PTPN2: variants seen among roughly 807,000 people sequenced by gnomAD.
The protein encoded by PTPN2 is protein tyrosine phosphatase non-receptor type 2.
PTPN2 carries 19 observed loss-of-function variants against 57.3 expected under a neutral mutation model. That is an observed-to-expected ratio of 0.33 (90% CI 0.23 to 0.49). The LOEUF (loss-of-function observed/expected upper bound fraction) is 0.49, where lower values mean the gene tolerates loss of function less well. Ranked by LOEUF, PTPN2 falls within the 20% of genes least tolerant of loss-of-function variation. The probability of loss-of-function intolerance (pLI) is 0.99; values close to 1 mark genes in which losing one functional copy is unlikely to be tolerated. For missense variants in PTPN2, 358 were observed against 501.1 expected (o/e 0.71, Z 2.73); for synonymous variants, 153 against 164.9 (o/e 0.93, Z 0.55).
rs1178034593 is a variant in PTPN2, at chr18:12,792,878, A to G, written c.*1400T>C. The G allele has an allele frequency of 1.1e-5, 11 of 970,184 alleles. No homozygotes were observed. Among genetic ancestry groups the G allele is most frequent in the South Asian group, 9.5e-5 (2 of 20,946 alleles). 60.1% of individuals were successfully genotyped at this position (970,184 alleles called of 1,614,324 possible). A position where few individuals can be genotyped will look rare whatever the true frequency, so the allele number is the denominator to read the frequency against. On this transcript the variant is annotated 3_prime_UTR_variant, in exon 9 of 9. Coordinates refer to ENST00000309660, the MANE Select transcript of PTPN2 (RefSeq NM_002828.4). ...AGTGCTGGGATTACAGGCATGAGCC[A>G]CCGCGCCCGACCAAACTGTTTTTAA...
In PTPN2 at chr18:12,801,878, C is replaced by T. The variant is rs1159269708; in HGVS notation, c.1040+92G>A. ...TTGTATTTTCCTAATATAAAAATTA[C>T]ATACCTGAAATCCTATGGCACCTGG... On this transcript the variant is annotated intron_variant, in intron 8 of 8. Transcript: ENST00000309660. 5 of 1,193,554 alleles carry T rather than the reference C, an allele frequency of 4.2e-6. No homozygotes were observed. In the African/African-American group the frequency reaches 7.8e-5, roughly 19 times the overall value. The allele number at this position is 1,193,554 out of a possible 1,614,324, so 73.9% of individuals were successfully genotyped here.
intron 1 of PTPN2, among the ~76,000 whole-genome samples, chr18:12,877,427 C>T (rs781509903): frequency 1.1e-4 from 16 of 152,152 alleles, no homozygotes; most frequent in African/African-American, 2.9e-4. Context: ...TGGAGTATAT[C>T]CAACACATGA....
At position 12,800,991 on chromosome 18, in the gene PTPN2, T is replaced by C. The variant is rs558805540; in HGVS notation, c.1040+979A>G. Among the ~76,000 whole-genome samples the C allele has an allele frequency of 5.9e-5, 9 of 152,384 alleles. No individual in the cohort carries two copies. The South Asian group carries it at 1.9e-3, about 32-fold the overall frequency. ...TAAGCTTACATGTTTAAATGTTTTATTAAAGGCATATTATCAGTTACATTA... is the reference window on the plus strand; with the variant it reads ...TAAGCTTACATGTTTAAATGTTTTACTAAAGGCATATTATCAGTTACATTA... On this transcript the variant is annotated intron_variant, in intron 8 of 8. Coordinates refer to ENST00000309660, the MANE Select transcript of PTPN2 (RefSeq NM_002828.4).
intron 2 of PTPN2, among the ~76,000 whole-genome samples, chr18:12,856,591 G>A (rs1294279820): frequency 3.3e-5 from 5 of 152,096 alleles, no homozygotes; most frequent in African/African-American, 1.2e-4. Context: ...GATGATGGAG[G>A]GAGGCCTGAT....
chr18:12,795,846 G>A (rs2041158350), intron 8 of PTPN2, among the ~76,000 whole-genome samples: 2 of 151,760 alleles, frequency 1.3e-5, no homozygotes, highest in Admixed American at 6.6e-5. Flanking sequence ...TACAGCAAAG[G>A]CCTAACCAGC....
chr18:12,812,655 T>C (rs1462882736), intron 7 of PTPN2, among the ~76,000 whole-genome samples: 1 of 152,142 alleles, frequency 6.6e-6, no homozygotes, highest in African/African-American at 2.4e-5. Context: ...AATCCAACTT[T>C]ATCAGTAATC....
At position 12,837,041 on chromosome 18, in the gene PTPN2, C is replaced by A. The variant is rs564217486; in HGVS notation, c.161-150G>T. On this transcript the variant is annotated intron_variant, in intron 2 of 8. Transcript: ENST00000309660. ...GAGTTGAGACAAATCCTAAACTATT[C>A]TCTACTTTTTTTGTAAGGAGTATAA... 4 of 597,468 alleles carry A rather than the reference C, an allele frequency of 6.7e-6. No individual in the cohort carries two copies. The African/African-American group carries it at 7.5e-5, about 11-fold the overall frequency. The allele number at this position is 597,468 out of a possible 1,614,324, so 37.0% of individuals were successfully genotyped here. A position where few individuals can be genotyped will look rare whatever the true frequency, so the allele number is the denominator to read the frequency against.
chr18:12,855,679 G>C (rs932783696), intron 2 of PTPN2, among the ~76,000 whole-genome samples: 2 of 152,112 alleles, frequency 1.3e-5, no homozygotes, highest in Non-Finnish European at 2.9e-5. Flanking sequence ...GAGGGCATGA[G>C]GACAGCAAGG....
intron 4 of PTPN2, among the ~76,000 whole-genome samples, chr18:12,827,906 T>C (rs1042091914): frequency 1.3e-5 from 2 of 152,112 alleles, no homozygotes; most frequent in South Asian, 2.1e-4. Flanking sequence ...TTTTAAAAAG[T>C]ACTTGAAGTC....
At chr18:12,870,414 T>TAC (rs1491330723) in intron 1 of PTPN2, among the ~76,000 whole-genome samples, 3 of 68,788 alleles carry the variant, frequency 4.4e-5, no homozygotes, top group Non-Finnish European at 7.5e-5. Context: ...CGTATATATA[T>TAC]GTATATATAT....
At chr18:12,842,959 G>A (rs1040649732) in intron 2 of PTPN2, among the ~76,000 whole-genome samples, 6 of 152,176 alleles carry the variant, frequency 3.9e-5, no homozygotes, top group South Asian at 2.1e-4. Context: ...ATGAAATGAC[G>A]TTAACTGACT....
intron 2 of PTPN2, among the ~76,000 whole-genome samples, chr18:12,854,935 G>A (rs540138538): frequency 2.0e-5 from 3 of 152,294 alleles, no homozygotes; most frequent in East Asian, 3.9e-4. Context: ...CCAATCACTT[G>A]AGATCAGGAG....
chr18:12,876,696 G>A (rs958136720), intron 1 of PTPN2, among the ~76,000 whole-genome samples: 5 of 152,178 alleles, frequency 3.3e-5, no homozygotes, highest in African/African-American at 9.7e-5. Context: ...AGGGATCACA[G>A]ACAAATCCAC....
At chr18:12,828,545 T>C (rs1490080402) in intron 4 of PTPN2, among the ~76,000 whole-genome samples, 1 of 152,270 alleles carries the variant, frequency 6.6e-6, no homozygotes, top group African/African-American at 2.4e-5. Context: ...CAAGATAGTT[T>C]ACATCTCTCA....
intron 7 of PTPN2, among the ~76,000 whole-genome samples, chr18:12,807,604 T>TATATATATAA (rs753128305): frequency 2.1e-5 from 2 of 95,534 alleles, no homozygotes; most frequent in Admixed American, 1.3e-4. Context: ...TATATATATA[T>TATATATATAA]AATATAATAC....
intron 4 of PTPN2, among the ~76,000 whole-genome samples, chr18:12,826,810 C>T (rs1427969089): frequency 6.6e-6 from 1 of 151,982 alleles, no homozygotes; most frequent in Non-Finnish European, 1.5e-5. Context: ...CTCAAGTGAA[C>T]CACCAACCTC....
At chr18:12,840,726 T>G (rs1323644223) in intron 2 of PTPN2, 2 of 1,598,370 alleles carry the variant, frequency 1.3e-6, no homozygotes, top group Non-Finnish European at 1.7e-6. Context: ...ATTTCCTGCA[T>G]TCTGCATTCC....
At chr18:12,872,075 C>A (rs894725114) in intron 1 of PTPN2, among the ~76,000 whole-genome samples, 21 of 146,012 alleles carry the variant, frequency 1.4e-4, no homozygotes, top group African/African-American at 4.9e-4. Context: ...AACAAAAAAA[C>A]AAAAACAAAT....
rs1414620048 is a variant in PTPN2, at chr18:12,870,269, A to G, written c.70-11015T>C. ...GTACTTAACTTTAGCATATATATAT[A>G]TATGTATATATATACATATACATAT... On this transcript the variant is annotated intron_variant, in intron 1 of 8. Transcript: ENST00000309660. Among the ~76,000 whole-genome samples, 25 of 94,226 alleles carry G rather than the reference A, an allele frequency of 2.7e-4. 1 individual carries two copies. Among genetic ancestry groups the G allele is most frequent in the African/African-American group, 1.0e-3 (17 of 16,328 alleles). 61.8% of individuals were successfully genotyped at this position (94,226 alleles called of 152,430 possible). A position where few individuals can be genotyped will look rare whatever the true frequency, so the allele number is the denominator to read the frequency against.
Sources: allele counts gnomAD v4.1 joint callset (sites outside exome capture counted in the v4.1 genomes callset), GRCh38; gene constraint gnomAD v4.1.1; transcripts MANE v1.5; gene names NCBI Gene and HGNC (gene_info 2026-07-23, HGNC 2026-07-21).